The following LYST variants were observed in gnomAD, a reference collection of about 807,000 sequenced individuals.
LYST encodes lysosomal-trafficking regulator.
A neutral mutation model predicts 413.6 loss-of-function variants in LYST; 192 were observed. The observed-to-expected ratio is 0.46, with a 90% CI of 0.41 to 0.52. The LOEUF is 0.52. Ranked by LOEUF, LYST falls within the 20% of genes least tolerant of loss-of-function variation. The pLI, the probability that LYST is intolerant of heterozygous loss-of-function variation, is 0.00. For synonymous variants in LYST, 1,525 were observed against 1,567.3 expected (o/e 0.97, Z 0.64); for missense variants, 3,815 against 4,499.9 (o/e 0.85, Z 4.35).
At chr1:235,788,039 A>G (rs1670609081) in intron 13 of LYST, among the ~76,000 whole-genome samples, 3 of 152,248 alleles carry the variant, frequency 2.0e-5, no homozygotes, top group Admixed American at 2.0e-4. Flanking sequence ...ATGTCTGTTA[A>G]TAACATCTTA....
At chr1:235,808,422 C>A in intron 5 of LYST, 33 bp downstream of exon 5, 1 of 1,603,608 alleles carries the variant, frequency 6.2e-7, no homozygotes, top group South Asian at 1.1e-5. Context: ...CTCAACAACC[C>A]CCGCCCCCGC....
chr1:235,679,659 C>A (rs1444273205), intron 48 of LYST, among the ~76,000 whole-genome samples: 2 of 152,090 alleles, frequency 1.3e-5, no homozygotes, highest in African/African-American at 4.8e-5. Context: ...CACTACCACA[C>A]CAGCCTGGGG....
upstream of LYST, among the ~76,000 whole-genome samples, chr1:235,870,038 C>A (rs1680861680): frequency 6.6e-6 from 1 of 152,090 alleles, no homozygotes; most frequent in Non-Finnish European, 1.5e-5. Context: ...TTAATACTGC[C>A]CTTAAACTAG....
At chr1:235,759,749 A>C in intron 22 of LYST, 150 bp from the exon 23 acceptor site, 1 of 658,646 alleles carries the variant, frequency 1.5e-6, no homozygotes, top group Non-Finnish European at 2.6e-6. Context: ...ACTAATGCTT[A>C]AAATTCCTTT....
At position 235,709,075 on chromosome 1, in the gene LYST, T is replaced by TA. The variant is rs148078167; in HGVS notation, c.10143+15dup. ...TATCTTATATAAATACAGATTGTTTTAAAAGAGTCACTTACAGCAGGATGA... is the reference window on the plus strand; with the variant it reads ...TATCTTATATAAATACAGATTGTTTTAAAAAGAGTCACTTACAGCAGGATGA... On this transcript the variant is annotated intron_variant, in intron 44 of 52. Coordinates refer to ENST00000389793, the MANE Select transcript of LYST (RefSeq NM_000081.4). 6.8e-6 allele frequency: 11 copies of TA among 1,609,318 alleles called. No individual in the cohort carries two copies. Among genetic ancestry groups the TA allele is most frequent in the Admixed American group, 1.7e-5 (1 of 60,012 alleles).
intron 12 of LYST, 69 bp from the exon 13 acceptor site, chr1:235,788,914 G>A: frequency 6.9e-7 from 1 of 1,456,352 alleles, no homozygotes; most frequent in Non-Finnish European, 9.6e-7. Flanking sequence ...AGTGAATTTA[G>A]AAGAATACAA....
chr1:235,857,009 G>A (rs1211748935), intron 1 of LYST, among the ~76,000 whole-genome samples: 2 of 146,530 alleles, frequency 1.4e-5, no homozygotes, highest in East Asian at 2.0e-4. Flanking sequence ...GCAGTGGTGC[G>A]ATCTCGGCTC....
At chr1:235,670,574 A>G (rs866299403) in intron 50 of LYST, among the ~76,000 whole-genome samples, 1 of 152,172 alleles carries the variant, frequency 6.6e-6, no homozygotes, top group Non-Finnish European at 1.5e-5. Context: ...TGATGAATAT[A>G]CCGAGACTCT....
At chr1:235,695,629 A>AT (rs148101450) in intron 46 of LYST, among the ~76,000 whole-genome samples, 46,985 of 116,022 alleles carry the variant, frequency 0.4, 10,514 homozygotes, top group South Asian at 0.61. Context: ...CAGTACTCTA[A>AT]TTTTTTTTTT....
Position 235,787,192 on chromosome 1 carries a change from C to A in LYST, c.4862+8G>T. The A allele has an allele frequency of 6.2e-7, 1 of 1,610,092 alleles. No individual in the cohort carries two copies. The highest frequency in any genetic ancestry group is 8.5e-7 in the Non-Finnish European group (1 of 1,176,476). Reference sequence around the variant, plus strand: ...GATTGAGATGCATTTTCTCAAAATGCTTCCTACCTCTGTCCAGAGACCCAT... The same window carrying A: ...GATTGAGATGCATTTTCTCAAAATGATTCCTACCTCTGTCCAGAGACCCAT... On this transcript the variant is annotated splice_region_variant and intron_variant, in intron 14 of 52. Transcript: ENST00000389793.
intron 1 of LYST, among the ~76,000 whole-genome samples, chr1:235,853,400 A>G (rs913574217): frequency 3.9e-5 from 6 of 152,104 alleles, no homozygotes; most frequent in Admixed American, 1.3e-4. Context: ...CTGTTCCTAT[A>G]TTTATTCTGT....
At chr1:235,708,947 T>C (rs1291177024) in intron 44 of LYST, 144 bp downstream of exon 44, 9 of 737,642 alleles carry the variant, frequency 1.2e-5, no homozygotes, top group Middle Eastern at 2.9e-4. Context: ...ATATAAAACC[T>C]GAAAAATCTT....
chr1:235,759,366 C>T lies in LYST; in HGVS notation c.6487G>A (p.Ala2163Thr), dbSNP rs201513511. 465 of 1,614,150 alleles carry T rather than the reference C, an allele frequency of 2.9e-4. 4 individuals are homozygous for T. In the Middle Eastern group the frequency reaches 4.6e-3, roughly 16 times the overall value. The part of the protein sequence containing the change: ...SDTLKKGKED[A>T]FISSCESAKT... ...GCAGACTCACAGCTACTGATGAATG[C>T]GTCCTCTTTGCCTTTTTTCAGTGTG... The change falls in exon 23 of 53, where the codon GCA becomes ACA. Residue 2163 changes from alanine to threonine, a missense_variant. This residue lies in a region of LYST where 771 missense variants were observed against 837.1 expected (regional missense o/e 0.92). Coordinates refer to ENST00000389793, the MANE Select transcript of LYST (RefSeq NM_000081.4).
At chr1:235,780,001 T>A (rs572846725) in intron 16 of LYST, among the ~76,000 whole-genome samples, 1 of 152,148 alleles carries the variant, frequency 6.6e-6, no homozygotes, top group African/African-American at 2.4e-5. Flanking sequence ...TCCTACATTA[T>A]ATACTGGTAG....
chr1:235,880,308 C>A (rs1447941686), intron 1 of LYST, among the ~76,000 whole-genome samples: 1 of 152,160 alleles, frequency 6.6e-6, no homozygotes, highest in Non-Finnish European at 1.5e-5. Flanking sequence ...ATACTGCCTT[C>A]CCTTGTGGAG....
chr1:235,802,219 A>AAG (rs1672323494), intron 8 of LYST, among the ~76,000 whole-genome samples: 1 of 149,132 alleles, frequency 6.7e-6, no homozygotes, highest in African/African-American at 2.5e-5. Flanking sequence ...AAAAAAAAAA[A>AAG]ACTAGCAGTA....
intron 38 of LYST, among the ~76,000 whole-genome samples, chr1:235,725,941 C>T (rs892595658): frequency 3.3e-5 from 5 of 151,978 alleles, no homozygotes; most frequent in African/African-American, 1.2e-4. Context: ...TCCCAAAGTA[C>T]AAAATCAAGA....
At chr1:235,863,547 G>T (rs1349933561) in intron 1 of LYST, among the ~76,000 whole-genome samples, 1 of 148,932 alleles carries the variant, frequency 6.7e-6, no homozygotes, top group Non-Finnish European at 1.5e-5. Flanking sequence ...GTTAAATACA[G>T]CAACAGACCA....
At chr1:235,715,621 T>A (rs1662771877) in intron 41 of LYST, among the ~76,000 whole-genome samples, 1 of 152,068 alleles carries the variant, frequency 6.6e-6, no homozygotes, top group South Asian at 2.1e-4. Flanking sequence ...AAAACCTACC[T>A]AACTTTGAGC....
Sources: gnomAD v4.1 joint callset for allele counts (sites outside exome capture counted in the v4.1 genomes callset) on GRCh38, gnomAD v4.1.1 for gene constraint, gnomAD v4.1.1 regional missense constraint, MANE v1.5 for transcripts, NCBI Gene and HGNC (gene_info 2026-07-23, HGNC 2026-07-21) for gene names.